The following SMG7 variants were observed in gnomAD, a reference collection of about 807,000 sequenced individuals.
SMG7 encodes the protein nonsense-mediated mRNA decay factor SMG7.
Under a neutral mutation model 148.2 loss-of-function variants are expected in SMG7, and 34 were observed. That is an observed-to-expected ratio of 0.23 (90% confidence interval 0.17 to 0.31). The LOEUF is 0.31. Ranked by LOEUF, SMG7 falls within the 10% of genes least tolerant of loss-of-function variation. The pLI is 1.00. For synonymous variants in SMG7, 492 were observed against 515.1 expected (o/e 0.96, Z 0.61); for missense variants, 1,114 against 1,408.4 (o/e 0.79, Z 3.35).
chr1:183,519,028 C>G (rs1171211798), intron 4 of SMG7, among the ~76,000 whole-genome samples: 1 of 152,108 alleles, frequency 6.6e-6, no homozygotes, highest in Non-Finnish European at 1.5e-5. Flanking sequence ...GGGAGGATCA[C>G]TTGAGCCCAG....
At chr1:183,541,306 T>G (rs1390967307) in intron 13 of SMG7, among the ~76,000 whole-genome samples, 1 of 152,258 alleles carries the variant, frequency 6.6e-6, no homozygotes, top group African/African-American at 2.4e-5. Context: ...ATACTCTTTA[T>G]TTAGAATCTC....
In SMG7 at chr1:183,532,842, G is replaced by A. The variant is rs539956609; in HGVS notation, c.844-322G>A. 7.9e-5 allele frequency among the ~76,000 whole-genome samples: 12 copies of A among 152,244 alleles called. No homozygotes were observed. In the South Asian group the frequency reaches 2.5e-3, roughly 32 times the overall value. ...TATAAAACAATTTCTAAAGGATTAA[G>A]TTGTATAAATTTATGGATGAACACT... is the stretch of plus-strand genomic sequence containing the variant. On this transcript the variant is annotated intron_variant, in intron 8 of 22. Transcript: ENST00000688051.
At chr1:183,533,105 G>T in intron 8 of SMG7, 59 bp from the exon 9 acceptor site, 1 of 1,431,828 alleles carries the variant, frequency 7.0e-7, no homozygotes, top group Non-Finnish European at 9.6e-7. Context: ...TTAATTTCTT[G>T]TGTCAAAGAT....
chr1:183,511,315 G>C (rs1350669850), intron 1 of SMG7, among the ~76,000 whole-genome samples: 1 of 152,210 alleles, frequency 6.6e-6, no homozygotes, highest in East Asian at 1.9e-4. Flanking sequence ...GTAATATGAA[G>C]AAAAACTAGA....
At chr1:183,481,777 G>C (rs932953604) in intron 1 of SMG7, among the ~76,000 whole-genome samples, 18 of 152,086 alleles carry the variant, frequency 1.2e-4, no homozygotes, top group African/African-American at 4.3e-4. Flanking sequence ...TCCTGCATAG[G>C]AGGTTTAGGG....
chr1:183,481,734 A>G (rs1654171365), intron 1 of SMG7, among the ~76,000 whole-genome samples: 1 of 152,188 alleles, frequency 6.6e-6, no homozygotes, highest in Non-Finnish European at 1.5e-5. Flanking sequence ...TTTTCAAGGA[A>G]TTCCATGAGT....
chr1:183,472,626 C>A lies in SMG7; in HGVS notation c.6C>A (p.Ser2Arg). 6.8e-7 allele frequency: 1 copy of A among 1,462,804 alleles called. No homozygotes were observed. Among genetic ancestry groups the A allele is most frequent in the Non-Finnish European group, 9.1e-7 (1 of 1,097,178 alleles). The allele number at this position is 1,462,804 out of a possible 1,614,324, so 90.6% of individuals were successfully genotyped here. ...CGCGGCGGCGGCGGCGGAGGATGAG[C>A]CTGCAGAGCGCGCAGTACCTCCGGT... Reference protein sequence around the residue: MSLQSAQYLRQA... With the variant: MRLQSAQYLRQA... The change falls in exon 1 of 23, where the codon AGC (serine) becomes AGA (arginine). Residue 2 changes from serine (S) to arginine (R), a missense_variant. Ser to Arg is a moderately radical substitution (Grantham distance 110). Coordinates refer to ENST00000688051, the MANE Select transcript of SMG7 (RefSeq NM_001375584.1).
At chr1:183,542,948 T>C (rs1020123667) in intron 14 of SMG7, among the ~76,000 whole-genome samples, 26 of 149,482 alleles carry the variant, frequency 1.7e-4, no homozygotes, top group South Asian at 4.2e-4. Context: ...TGTGTGTGTG[T>C]GTGTGTGTGT....
intron 2 of SMG7, chr1:183,513,232 T>A (rs868566798): frequency 5.8e-6 from 1 of 173,156 alleles, no homozygotes; most frequent in African/African-American, 2.4e-5. Context: ...TTCTGGGAAA[T>A]TTTTTTTTCT....
chr1:183,550,082 A>G (rs1244748236), intron 20 of SMG7, 159 bp downstream of exon 20: 1 of 616,866 alleles, frequency 1.6e-6, no homozygotes, highest in Non-Finnish European at 2.7e-6. Context: ...TAGAAAAAAA[A>G]AAAGAAGAAG....
chr1:183,489,302 C>T (rs534572561), intron 1 of SMG7, among the ~76,000 whole-genome samples: 1 of 152,186 alleles, frequency 6.6e-6, no homozygotes, highest in East Asian at 1.9e-4. Flanking sequence ...GGGTTCTTGT[C>T]AGATCTTTCT....
At chr1:183,546,572 C>T (rs1669962117) in intron 17 of SMG7, among the ~76,000 whole-genome samples, 1 of 152,136 alleles carries the variant, frequency 6.6e-6, no homozygotes, top group East Asian at 1.9e-4. Context: ...GCAAAGAAAC[C>T]ATGTACAGAA....
rs565679524 is a variant in SMG7 at position 183,536,774 on chromosome 1, T to C, written c.1164-371T>C. ...AAGAACTAACAGCGGCTTCCACAAC[T>C]CATAATGTATGTGAAAGCTCTATAA... On this transcript the variant is annotated intron_variant, in intron 10 of 22. Transcript: ENST00000688051. Among the ~76,000 whole-genome samples, 9 of 152,282 alleles carry C rather than the reference T, an allele frequency of 5.9e-5. No homozygotes were observed. In the East Asian group the frequency reaches 1.7e-3, roughly 29 times the overall value.
chr1:183,543,056 T>C (rs1351756817), intron 14 of SMG7, among the ~76,000 whole-genome samples: 1 of 151,924 alleles, frequency 6.6e-6, no homozygotes. Flanking sequence ...TTTAATCTTA[T>C]CCTGGATCCT....
intron 2 of SMG7, among the ~76,000 whole-genome samples, chr1:183,514,837 C>T (rs562882387): frequency 6.6e-6 from 1 of 152,272 alleles, no homozygotes; most frequent in South Asian, 2.1e-4. Flanking sequence ...CTATTCTTAA[C>T]TAGCCTGTAA....
At chr1:183,490,774 C>A (rs1056131447) in intron 1 of SMG7, among the ~76,000 whole-genome samples, 3 of 152,040 alleles carry the variant, frequency 2.0e-5, no homozygotes, top group Admixed American at 6.6e-5. Context: ...TCAAATCCCC[C>A]CAAAGTGCTT....
intron 2 of SMG7, among the ~76,000 whole-genome samples, chr1:183,514,113 G>A (rs1031467184): frequency 4.0e-5 from 6 of 150,008 alleles, no homozygotes; most frequent in African/African-American, 1.5e-4. Flanking sequence ...TGGTCAGTAT[G>A]CCCTCCGTAA....
At chr1:183,474,285 G>A (rs1010302979) in intron 1 of SMG7, among the ~76,000 whole-genome samples, 6 of 152,214 alleles carry the variant, frequency 3.9e-5, no homozygotes, top group Middle Eastern at 3.2e-3. Context: ...AAACGTTGCC[G>A]GGCACGGGGG....
chr1:183,526,919 A>G, intron 5 of SMG7, 152 bp downstream of exon 5: 1 of 577,360 alleles, frequency 1.7e-6, no homozygotes, highest in Non-Finnish European at 2.7e-6. Flanking sequence ...GGAACTTAAA[A>G]TTTCTCAATA....
Sources: gnomAD v4.1 joint callset for allele counts (sites outside exome capture counted in the v4.1 genomes callset) on GRCh38, gnomAD v4.1.1 for gene constraint, MANE v1.5 for transcripts, NCBI Gene and HGNC (gene_info 2026-07-23, HGNC 2026-07-21) for gene names.